PNLIP: variants seen among roughly 807,000 people sequenced by gnomAD.
PNLIP encodes pancreatic lipase, also known as pancreatic triacylglycerol lipase.
Under a neutral mutation model 57.1 loss-of-function variants are expected in PNLIP, and 49 were observed. That is an observed-to-expected ratio of 0.86 (90% CI 0.68 to 1.09). The LOEUF (loss-of-function observed/expected upper bound fraction) is 1.09, where lower values mean the gene tolerates loss of function less well. PNLIP is among the 50% of genes least tolerant of loss of function. The pLI is 0.00. For synonymous variants in PNLIP, 209 were observed against 200.4 expected (o/e 1.04, Z -0.36); for missense variants, 503 against 570.2 (o/e 0.88, Z 1.20).
At chr10:116,547,725 CAA>C (rs569977938) in intron 3 of PNLIP, among the ~76,000 whole-genome samples, 42 of 47,238 alleles carry the variant, frequency 8.9e-4, no homozygotes, top group Non-Finnish European at 1.4e-3. Flanking sequence ...GACTCCATCT[CAA>C]AAAAAAAAAA....
intron 12 of PNLIP, among the ~76,000 whole-genome samples, chr10:116,564,130 G>T (rs1410352117): frequency 1.3e-5 from 2 of 152,002 alleles, no homozygotes. Flanking sequence ...AAATCAAAAT[G>T]CTCAAACCAG....
chr10:116,551,999 T>C (rs930820365), intron 5 of PNLIP, among the ~76,000 whole-genome samples: 1 of 152,098 alleles, frequency 6.6e-6, no homozygotes, highest in Non-Finnish European at 1.5e-5. Context: ...AAGATGACAA[T>C]GGAGCTAAAA....
intron 6 of PNLIP, among the ~76,000 whole-genome samples, chr10:116,554,253 A>G (rs1847227405): frequency 6.6e-6 from 1 of 152,260 alleles, no homozygotes; most frequent in Non-Finnish European, 1.5e-5. Context: ...ACAAAGGACA[A>G]GTTTCATGAA....
At chr10:116,559,419 C>G (rs1384047273) in intron 10 of PNLIP, 136 bp downstream of exon 10, 1 of 663,220 alleles carries the variant, frequency 1.5e-6, no homozygotes, top group East Asian at 2.8e-5. Context: ...ATGCTCAATG[C>G]TATGTTCAAG....
intron 12 of PNLIP, among the ~76,000 whole-genome samples, chr10:116,565,763 T>C (rs567508863): frequency 1.3e-5 from 2 of 152,180 alleles, no homozygotes; most frequent in South Asian, 4.2e-4. Flanking sequence ...TATTTACCCA[T>C]GAGGCAAGAA....
At chr10:116,559,371 T>C (rs1181846119) in intron 10 of PNLIP, 88 bp downstream of exon 10, 2 of 1,033,470 alleles carry the variant, frequency 1.9e-6, no homozygotes, top group East Asian at 2.6e-5. Flanking sequence ...TGCTTTTCTA[T>C]ACAAAAGCTT....
At chr10:116,562,757 A>G (rs2915772) in intron 12 of PNLIP, among the ~76,000 whole-genome samples, 134,843 of 152,210 alleles carry the variant, frequency 0.89, 59,993 homozygotes, top group South Asian at 0.92. Context: ...TGCAGGACTG[A>G]GAATGGTGCT....
chr10:116,555,223 T>C lies in PNLIP; in HGVS notation c.617T>C (p.Val206Ala). ...TGCTTTCAGGGCACACCTGAATTAG[T>C]CCGATTGGACCCCAGCGATGCCAAA... ...EPCFQGTPELVRLDPSDAKFV... is the reference protein window; with the variant it reads ...EPCFQGTPELARLDPSDAKFV... The change falls in exon 7 of 13, where the codon GTC (valine) becomes GCC (alanine). Residue 206 changes from valine to alanine, a missense_variant. Transcript: ENST00000369221. The C allele has an allele frequency of 6.2e-7, 1 of 1,614,166 alleles. No individual in the cohort carries two copies. The highest frequency in any genetic ancestry group is 8.5e-7 in the Non-Finnish European group (1 of 1,180,010).
rs552157482 is a variant in PNLIP at position 116,547,550 on chromosome 10, C to A, written c.201+102C>A. ...GACCATGCTGGCTAACATGGTGAAACCCCATCTCTACTAAAAATACAAACA... is the reference window on the plus strand; with the variant it reads ...GACCATGCTGGCTAACATGGTGAAAACCCATCTCTACTAAAAATACAAACA... On this transcript the variant is annotated intron_variant, in intron 3 of 12. Coordinates refer to ENST00000369221, the MANE Select transcript of PNLIP (RefSeq NM_000936.4). 33 of 892,742 alleles carry A rather than the reference C, an allele frequency of 3.7e-5. 1 individual carries two copies. The Middle Eastern group carries it at 2.5e-3, about 67-fold the overall frequency. 55.3% of individuals were successfully genotyped at this position (892,742 alleles called of 1,614,324 possible).
intron 5 of PNLIP, among the ~76,000 whole-genome samples, chr10:116,552,977 T>G (rs565997821): frequency 6.6e-6 from 1 of 152,322 alleles, no homozygotes; most frequent in Non-Finnish European, 1.5e-5. Context: ...ATATAAAGTC[T>G]TCAGCGGTGT....
intron 2 of PNLIP, 117 bp downstream of exon 2, chr10:116,546,255 A>C: frequency 1.2e-6 from 1 of 866,332 alleles, no homozygotes; most frequent in Non-Finnish European, 1.9e-6. Flanking sequence ...TCAAGGAGTA[A>C]AGCACAGGAG....
At chr10:116,559,483 T>C (rs1847291123) in intron 10 of PNLIP, among the ~76,000 whole-genome samples, 200 bp downstream of exon 10, 1 of 152,214 alleles carries the variant, frequency 6.6e-6, no homozygotes. Context: ...GGACTCTTAA[T>C]GCTGCAAAAA....
In PNLIP at chr10:116,555,048, A is replaced by G. The variant is rs562248460; in HGVS notation, c.572-130A>G. 9 of 1,002,554 alleles carry G rather than the reference A, an allele frequency of 9.0e-6. No individual in the cohort carries two copies. The East Asian group carries it at 2.2e-4, about 24-fold the overall frequency. 62.1% of individuals were successfully genotyped at this position (1,002,554 alleles called of 1,614,324 possible). ...CACTTTAAAGCAAATAGCTAGAAGT[A>G]GATTCCTCTTCAGCAAATGGTCAGG... On this transcript the variant is annotated intron_variant, in intron 6 of 12. Transcript: ENST00000369221.
rs775454842 is a variant in PNLIP, at chr10:116,548,467, G to A, written c.309G>A (p.Leu103=). ...TAGACAAGGGAGAAGAAAACTGGCT[G>A]GCCAATGTGTGCAAGGTGAGATGTG... ...GFIDKGEENW[L]ANVCKNLFKV... The change falls in exon 4 of 13, where the codon CTG becomes CTA. Residue 103 remains leucine, a synonymous_variant. Transcript: ENST00000369221. 3 of 1,613,906 alleles carry A rather than the reference G, an allele frequency of 1.9e-6. No individual in the cohort carries two copies. The highest frequency in any genetic ancestry group is 2.5e-6 in the Non-Finnish European group (3 of 1,179,876).
In PNLIP at chr10:116,548,485, G is replaced by A. The variant is rs1393006248; in HGVS notation, c.324+3G>A. 2 of 1,613,042 alleles carry A rather than the reference G, an allele frequency of 1.2e-6. No individual in the cohort carries two copies. Among genetic ancestry groups the A allele is most frequent in the Non-Finnish European group, 1.7e-6 (2 of 1,179,580 alleles). ...ACTGGCTGGCCAATGTGTGCAAGGTGAGATGTGGTCATCTCTCAAGGAAAG... is the reference window on the plus strand; with the variant it reads ...ACTGGCTGGCCAATGTGTGCAAGGTAAGATGTGGTCATCTCTCAAGGAAAG... On this transcript the variant is annotated splice_donor_region_variant and intron_variant, in intron 4 of 12. Transcript: ENST00000369221.
chr10:116,558,334 A>G (rs571587585), intron 9 of PNLIP, among the ~76,000 whole-genome samples: 116 of 151,618 alleles, frequency 7.7e-4, no homozygotes, highest in South Asian at 4.0e-3. Context: ...AGCTGGGACT[A>G]CAGGCGCCCG....
At chr10:116,565,413 A>AT (rs1468621950) in intron 12 of PNLIP, among the ~76,000 whole-genome samples, 3 of 151,012 alleles carry the variant, frequency 2.0e-5, no homozygotes, top group Non-Finnish European at 4.4e-5. Flanking sequence ...ACCCCACTGT[A>AT]TTTTTTAAAA....
chr10:116,550,369 C>T (rs546321036), intron 4 of PNLIP, among the ~76,000 whole-genome samples: 7 of 149,640 alleles, frequency 4.7e-5, no homozygotes, highest in Admixed American at 2.7e-4. Flanking sequence ...TTCTCAAATT[C>T]TTTTTGAAAA....
At chr10:116,556,199 C>T (rs1260370161) in intron 9 of PNLIP, 81 bp downstream of exon 9, 3 of 769,058 alleles carry the variant, frequency 3.9e-6, no homozygotes, top group Non-Finnish European at 6.9e-6. Flanking sequence ...TACATGACAT[C>T]ATTCAATGAA....
Sources: gnomAD v4.1 joint callset for allele counts (sites outside exome capture counted in the v4.1 genomes callset) on GRCh38, gnomAD v4.1.1 for gene constraint, MANE v1.5 for transcripts, NCBI Gene and HGNC (gene_info 2026-07-23, HGNC 2026-07-21) for gene names.